Variants in COA1 observed in about 807,000 individuals in gnomAD.
The protein encoded by COA1 is cytochrome c oxidase assembly factor 1, also known as cytochrome c oxidase assembly factor 1 homolog.
Under a neutral mutation model 16.0 loss-of-function variants are expected in COA1, and 13 were observed. The ratio of observed to expected loss-of-function variants is 0.81; its 90% CI spans 0.53 to 1.29. The LOEUF (loss-of-function observed/expected upper bound fraction) is 1.29. Ranked by LOEUF, COA1 falls within the 50% of genes most tolerant of loss-of-function variation. The pLI, the probability that COA1 is intolerant of heterozygous loss-of-function variation, is 0.00. For missense variants in COA1, 179 were observed against 177.0 expected (o/e 1.01, Z -0.06); for synonymous variants, 65 against 65.7 (o/e 0.99, Z 0.05).
At chr7:43,663,683 A>AC (rs1261523937) in intron 1 of COA1, among the ~76,000 whole-genome samples, 4 of 149,980 alleles carry the variant, frequency 2.7e-5, no homozygotes, top group Non-Finnish European at 5.9e-5. Context: ...AAAAAAAAAA[A>AC]AAAAACACAC....
At position 43,678,766 on chromosome 7, in the gene COA1, C is replaced by T. The variant is rs545456768; in HGVS notation, c.-38-30114G>A. Among the ~76,000 whole-genome samples the T allele has an allele frequency of 4.6e-5, 7 of 152,220 alleles. No homozygotes were observed. The East Asian group carries it at 7.7e-4, about 17-fold the overall frequency. ...ACCACAATAAGACACCACTACTTCA[C>T]ACCCATTAGAATGGCAATTATTTAA... is the stretch of plus-strand genomic sequence containing the variant. On this transcript the variant is annotated intron_variant, in intron 1 of 5. Coordinates refer to ENST00000223336, the MANE Select transcript of COA1 (RefSeq NM_018224.4).
chr7:43,632,549 T>C (rs770933879), intron 6 of COA1: 15 of 152,176 alleles, frequency 9.9e-5, no homozygotes, highest in Non-Finnish European at 1.9e-4. Context: ...CCACAAAATG[T>C]ATTTCTTAAA....
intron 1 of COA1, among the ~76,000 whole-genome samples, chr7:43,687,184 C>A (rs1458699846): frequency 6.6e-6 from 1 of 152,202 alleles, no homozygotes; most frequent in Non-Finnish European, 1.5e-5. Flanking sequence ...CCTGAAGTTT[C>A]CTATTCCCTC....
chr7:43,727,587 G>C (rs543559823), intron 1 of COA1, among the ~76,000 whole-genome samples: 1 of 152,310 alleles, frequency 6.6e-6, no homozygotes, highest in African/African-American at 2.4e-5. Context: ...TGAATGTTAA[G>C]TAAAAGAAGC....
intron 1 of COA1, among the ~76,000 whole-genome samples, chr7:43,697,553 T>C (rs2094570395): frequency 6.6e-6 from 1 of 152,184 alleles, no homozygotes; most frequent in Non-Finnish European, 1.5e-5. Flanking sequence ...CCCAAAGTGC[T>C]GGATTAAGGT....
intron 1 of COA1, among the ~76,000 whole-genome samples, chr7:43,709,313 A>G (rs1319099459): frequency 9.2e-5 from 14 of 152,080 alleles, no homozygotes. Context: ...GGTGTGAGCC[A>G]CCATGCCCGG....
chr7:43,690,180 G>A (rs1312902803), intron 1 of COA1, among the ~76,000 whole-genome samples: 1 of 152,138 alleles, frequency 6.6e-6, no homozygotes, highest in Non-Finnish European at 1.5e-5. Context: ...CAACCACTAT[G>A]AAAAACAGTG....
intron 1 of COA1, among the ~76,000 whole-genome samples, chr7:43,699,056 A>C: frequency 6.6e-6 from 1 of 152,172 alleles, no homozygotes; most frequent in Non-Finnish European, 1.5e-5. Flanking sequence ...GGCTTGGGAA[A>C]ACTCAGAACA....
intron 1 of COA1, among the ~76,000 whole-genome samples, chr7:43,688,111 C>CA (rs1327883828): frequency 6.6e-6 from 1 of 152,202 alleles, no homozygotes; most frequent in Non-Finnish European, 1.5e-5. Context: ...TCTCCCCAGC[C>CA]ATGTGGAACT....
At chr7:43,644,789 G>GAGAGACAGAGAGAGAGA (rs1442537142) in intron 4 of COA1, among the ~76,000 whole-genome samples, 10 of 104,454 alleles carry the variant, frequency 9.6e-5, no homozygotes, top group African/African-American at 1.3e-4. Context: ...CAGGCAGGCA[G>GAGAGACAGAGAGAGAGA]GCAGAGAGAC....
intron 1 of COA1, among the ~76,000 whole-genome samples, chr7:43,672,786 A>G (rs1742002825): frequency 6.6e-6 from 1 of 151,980 alleles, no homozygotes; most frequent in African/African-American, 2.4e-5. Context: ...AAAAAAAAAA[A>G]AAAGAGAGAG....
chr7:43,677,238 T>C (rs963239409), intron 1 of COA1, among the ~76,000 whole-genome samples: 1 of 152,208 alleles, frequency 6.6e-6, no homozygotes, highest in African/African-American at 2.4e-5. Context: ...GTAAAGAAAC[T>C]GTGGAGTCTT....
chr7:43,706,705 C>CA (rs1314044924), intron 1 of COA1, among the ~76,000 whole-genome samples: 4 of 151,420 alleles, frequency 2.6e-5, no homozygotes, highest in Non-Finnish European at 4.4e-5. Flanking sequence ...ACTGTCTCCA[C>CA]AAAAAAATAG....
chr7:43,646,379 C>A, intron 3 of COA1: 1 of 357,106 alleles, frequency 2.8e-6, no homozygotes, highest in Non-Finnish European at 5.7e-6. Flanking sequence ...TGTTCAACAG[C>A]TCTTGTGTTG....
At chr7:43,701,790 G>GA (rs368398394) in intron 1 of COA1, among the ~76,000 whole-genome samples, 89 of 152,290 alleles carry the variant, frequency 5.8e-4, no homozygotes, top group African/African-American at 2.1e-3. Context: ...ACTGGTGTGA[G>GA]ATAGTATCTC....
intron 6 of COA1, among the ~76,000 whole-genome samples, chr7:43,615,230 C>G (rs1331816215): frequency 6.6e-6 from 1 of 152,198 alleles, no homozygotes; most frequent in African/African-American, 2.4e-5. Context: ...GATTGGAGTG[C>G]AGTGGCACTA....
chr7:43,638,347 G>A (rs2086258018), downstream of COA1, among the ~76,000 whole-genome samples: 1 of 151,796 alleles, frequency 6.6e-6, no homozygotes, highest in African/African-American at 2.4e-5. Flanking sequence ...ATGCTAAGAG[G>A]GTTAAACTGA....
chr7:43,707,521 A>G (rs754884884), intron 1 of COA1, among the ~76,000 whole-genome samples: 1 of 152,134 alleles, frequency 6.6e-6, no homozygotes, highest in African/African-American at 2.4e-5. Context: ...CTTTCCAATC[A>G]TTAACCCCTC....
At chr7:43,644,749 GA>G (rs1563228251) in intron 4 of COA1, among the ~76,000 whole-genome samples, 1 of 96,286 alleles carries the variant, frequency 1.0e-5, no homozygotes, top group Admixed American at 1.3e-4. Flanking sequence ...TAGATAGATA[GA>G]TAGATAGATA....
Sources: allele counts gnomAD v4.1 joint callset (sites outside exome capture counted in the v4.1 genomes callset), GRCh38; gene constraint gnomAD v4.1.1; transcripts MANE v1.5; gene names NCBI Gene and HGNC (gene_info 2026-07-23, HGNC 2026-07-21).